Variants in MICAL2 observed in about 807,000 individuals in gnomAD.
MICAL2 encodes the protein [F-actin]-monooxygenase MICAL2.
A neutral mutation model predicts 127.3 loss-of-function variants in MICAL2; 77 were observed. The observed-to-expected ratio is 0.60, with a 90% CI of 0.50 to 0.73. The LOEUF (loss-of-function observed/expected upper bound fraction) is 0.73. Among genes scored for constraint, MICAL2 ranks in the 30% least tolerant of loss-of-function variants. MICAL2 has a pLI of 0.00. For missense variants in MICAL2, 1,351 were observed against 1,434.4 expected, an observed-to-expected ratio of 0.94 and a Z score of 0.94; for synonymous variants, 570 against 551.1, an observed-to-expected ratio of 1.03 and a Z score of -0.48.
chr11:12,119,189 C>T (rs186907496), intron 1 of MICAL2, among the ~76,000 whole-genome samples: 24 of 152,248 alleles, frequency 1.6e-4, no homozygotes, highest in African/African-American at 3.9e-4. Flanking sequence ...TGCTGCCTGC[C>T]GCCTGGAGAG....
intron 29 of MICAL2, among the ~76,000 whole-genome samples, chr11:12,298,964 C>T (rs1014130177): frequency 2.6e-5 from 4 of 152,170 alleles, no homozygotes; most frequent in Admixed American, 6.5e-5. Flanking sequence ...TATTGGCCTA[C>T]AGTTCATTGA....
In MICAL2 at chr11:12,226,213, C is replaced by T; in HGVS notation, c.1731C>T (p.Asn577=). 1 of 1,614,246 alleles carries T rather than the reference C, an allele frequency of 6.2e-7. No homozygotes were observed. The highest frequency in any genetic ancestry group is 8.5e-7 in the Non-Finnish European group (1 of 1,180,044). Residue 577 remains asparagine, a synonymous_variant, in exon 14 of 28, where the codon AAC becomes AAT. Transcript: ENST00000683283. The part of the protein sequence containing the change: ...SLNEDDAVEN[N]QLAFDVAERE... ...ATGAAGATGATGCTGTGGAGAACAA[C>T]CAGCTCGCATTTGATGTGGCCGAGC... is the stretch of plus-strand genomic sequence containing the variant.
intron 3 of MICAL2, among the ~76,000 whole-genome samples, chr11:12,168,584 A>G (rs977699023): frequency 3.3e-5 from 5 of 151,910 alleles, no homozygotes; most frequent in African/African-American, 9.7e-5. Flanking sequence ...TTAAATATGT[A>G]TATATAAATA....
chr11:12,131,517 G>C (rs113540377), intron 1 of MICAL2, among the ~76,000 whole-genome samples: 2 of 152,222 alleles, frequency 1.3e-5, no homozygotes, highest in African/African-American at 4.8e-5. Context: ...CATCCCCCAA[G>C]TCTGGATTCA....
At chr11:12,313,961 A>ATTT (rs60681621) in intron 29 of MICAL2, among the ~76,000 whole-genome samples, 3,264 of 43,692 alleles carry the variant, frequency 0.075, 285 homozygotes, top group Middle Eastern at 0.14. Context: ...TCTTGGTCTG[A>ATTT]TTTTTTTTTT....
chr11:12,302,823 C>T (rs1475122815), intron 29 of MICAL2, among the ~76,000 whole-genome samples: 1 of 152,160 alleles, frequency 6.6e-6, no homozygotes, highest in Non-Finnish European at 1.5e-5. Flanking sequence ...GCCACTGCAC[C>T]TGGCCAGAAG....
At position 12,208,018 on chromosome 11, in the gene MICAL2, G is replaced by T. The variant is rs376620153; in HGVS notation, c.473-5G>T. 2.5e-6 allele frequency: 4 copies of T among 1,610,422 alleles called. No homozygotes were observed. The African/African-American group carries it at 5.3e-5, about 22-fold the overall frequency. Reference sequence around the variant, plus strand: ...GACAGTTCCTCTCTCCTTCCTGCCTGACAGGTATTCGCCAACTACAGCTCA... The same window carrying T: ...GACAGTTCCTCTCTCCTTCCTGCCTTACAGGTATTCGCCAACTACAGCTCA... On this transcript the variant is annotated splice_polypyrimidine_tract_variant and splice_region_variant and intron_variant, in intron 4 of 27. Transcript: ENST00000683283.
At chr11:12,226,074 G>C in intron 13 of MICAL2, 97 bp from the exon 14 acceptor site, 1 of 1,180,536 alleles carries the variant, frequency 8.5e-7, no homozygotes, top group Non-Finnish European at 1.2e-6. Flanking sequence ...ACCTGGCAGA[G>C]TGTCACCCTC....
rs945343041 is a variant in MICAL2 at position 12,335,373 on chromosome 11, G to A, written c.5515+8107G>A. Among the ~76,000 whole-genome samples the A allele has an allele frequency of 2.0e-3, 304 of 150,634 alleles. 1 individual carries two copies. The highest frequency in any genetic ancestry group is 2.5e-3 in the Non-Finnish European group (168 of 67,520). ...TATTAGCCCTTTGTCAGATGAGTAG[G>A]TTGCAAAAATTTTCTCCCATTCTGT... On this transcript the variant is annotated intron_variant, in intron 32 of 34. Transcript: ENST00000646065.
rs1235256553 is a variant in MICAL2, at chr11:12,258,485, C to G, written c.3160C>G (p.Pro1054Ala). ...TTTTACAGGCAAATTTTACTGCAAG[C>G]CTCACTTCATTCACTGTAAAACCAA... ...DCDEGKFYCK[P>A]HFIHCKTNSK... The change falls in exon 25 of 28, where the codon CCT becomes GCT. Residue 1054 changes from proline (P) to alanine (A), a missense_variant. Coordinates refer to ENST00000683283, the MANE Select transcript of MICAL2 (RefSeq NM_001282663.2). The G allele has an allele frequency of 2.5e-6, 4 of 1,614,030 alleles. No individual in the cohort carries two copies. The highest frequency in any genetic ancestry group is 2.7e-5 in the African/African-American group (2 of 74,938).
intron 22 of MICAL2, chr11:12,252,784 A>C (rs1493957): frequency 6.6e-6 from 1 of 151,934 alleles, no homozygotes; most frequent in Non-Finnish European, 1.5e-5. Flanking sequence ...TTTAGATGTG[A>C]CCTCCCAAGG....
chr11:12,193,510 GCT>G (rs1859483257), intron 3 of MICAL2, among the ~76,000 whole-genome samples: 1 of 152,204 alleles, frequency 6.6e-6, no homozygotes, highest in Non-Finnish European at 1.5e-5. Flanking sequence ...CCTTGTCTGT[GCT>G]CATGAGTGGT....
intron 1 of MICAL2, among the ~76,000 whole-genome samples, chr11:12,117,861 T>A (rs997538001): frequency 2.0e-5 from 3 of 152,158 alleles, no homozygotes; most frequent in Non-Finnish European, 4.4e-5. Flanking sequence ...GAAAACAGAA[T>A]AGAGAAACAC....
At chr11:12,126,723 T>C (rs200355230) in intron 1 of MICAL2, among the ~76,000 whole-genome samples, 1 of 110,976 alleles carries the variant, frequency 9.0e-6, no homozygotes, top group East Asian at 3.0e-4. Context: ...AAAAAAAAAT[T>C]AAGTAACAGG....
intron 3 of MICAL2, among the ~76,000 whole-genome samples, chr11:12,193,479 G>T (rs1859477718): frequency 1.3e-5 from 2 of 152,232 alleles, no homozygotes; most frequent in African/African-American, 2.4e-5. Context: ...AGACAAAGCT[G>T]TTGTCCATGG....
downstream of MICAL2, among the ~76,000 whole-genome samples, chr11:12,288,671 C>T (rs962929986): frequency 6.6e-6 from 1 of 152,210 alleles, no homozygotes; most frequent in South Asian, 2.1e-4. Context: ...GAACCCAATC[C>T]TTGTTTGCTG....
chr11:12,242,096 T>G, intron 18 of MICAL2, 118 bp from the exon 19 acceptor site: 1 of 811,116 alleles, frequency 1.2e-6, no homozygotes, highest in Non-Finnish European at 1.9e-6. Context: ...TTTGGAATCT[T>G]ACTTAGGGTT....
chr11:12,275,183 A>G (rs1863711924), upstream of MICAL2, among the ~76,000 whole-genome samples: 4 of 152,192 alleles, frequency 2.6e-5, no homozygotes, highest in Admixed American at 2.6e-4. Context: ...GGGGAAGGCT[A>G]TGGGCAAGAC....
intron 1 of MICAL2, among the ~76,000 whole-genome samples, chr11:12,278,253 TGTA>T (rs1863740552): frequency 1.3e-5 from 2 of 152,254 alleles, no homozygotes; most frequent in Admixed American, 1.3e-4. Flanking sequence ...ACTTCTTTAT[TGTA>T]GTAACACAGC....
Sources: allele counts gnomAD v4.1 joint callset (sites outside exome capture counted in the v4.1 genomes callset), GRCh38; gene constraint gnomAD v4.1.1; transcripts MANE v1.5; gene names NCBI Gene and HGNC (gene_info 2026-07-23, HGNC 2026-07-21).